Variants in ZBTB16 observed in about 807,000 individuals in gnomAD.
The protein encoded by ZBTB16 is zinc finger and BTB domain containing 16.
Under a neutral mutation model 56.8 loss-of-function variants are expected in ZBTB16, and 8 were observed. The ratio of observed to expected loss-of-function variants is 0.14; its 90% confidence interval spans 0.08 to 0.25. The LOEUF (loss-of-function observed/expected upper bound fraction) is 0.25, where lower values mean the gene tolerates loss of function less well. Among genes scored for constraint, ZBTB16 ranks in the 10% least tolerant of loss-of-function variants. ZBTB16 has a pLI of 1.00. For synonymous variants in ZBTB16, 363 were observed against 368.5 expected (o/e 0.98, Z 0.17); for missense variants, 625 against 903.0 (o/e 0.69, Z 3.95).
rs1938767108 is a variant in ZBTB16, at chr11:114,060,197, T to TGAGAGG, written c.-91+315_-91+316insGAGAGG. The TGAGAGG allele has an allele frequency of 2.4e-5, 4 of 166,768 alleles. No individual in the cohort carries two copies. The highest frequency in any genetic ancestry group is 5.1e-5 in the Non-Finnish European group (4 of 78,238). 10.3% of individuals were successfully genotyped at this position (166,768 alleles called of 1,614,324 possible). On this transcript the variant is annotated intron_variant, in intron 1 of 6. Coordinates refer to ENST00000335953, the MANE Select transcript of ZBTB16 (RefSeq NM_006006.6). The surrounding 1 kb of genome is among the most constrained non-coding windows in gnomAD (Gnocchi z 6.0). ...GGGGCTGAGGGCGTGAGCAGAGGGG[T>TGAGAGG]CGGGGATCCGGAGGCTTTGTACCGC... is the stretch of plus-strand genomic sequence containing the variant.
intron 3 of ZBTB16, among the ~76,000 whole-genome samples, chr11:114,185,692 G>A (rs1943345395): frequency 6.6e-6 from 1 of 152,066 alleles, no homozygotes; most frequent in South Asian, 2.1e-4. Flanking sequence ...TGATTGCAGT[G>A]GAATCACTGC....
intron 2 of ZBTB16, among the ~76,000 whole-genome samples, chr11:114,115,253 A>G (rs897573158): frequency 2.0e-5 from 3 of 151,776 alleles, no homozygotes; most frequent in Admixed American, 1.3e-4. Flanking sequence ...GTCCTCCAGC[A>G]TAGTTTAAAG....
At chr11:114,079,374 T>C (rs1939683268) in intron 2 of ZBTB16, among the ~76,000 whole-genome samples, 1 of 152,164 alleles carries the variant, frequency 6.6e-6, no homozygotes, top group South Asian at 2.1e-4. Context: ...GTGAAATCTT[T>C]TGTTTTGGGC....
intron 5 of ZBTB16, among the ~76,000 whole-genome samples, chr11:114,246,307 C>T (rs1231746329): frequency 2.6e-5 from 4 of 152,280 alleles, no homozygotes; most frequent in Admixed American, 6.5e-5. Context: ...TATATGGTAC[C>T]CTGACTCTAG....
At chr11:114,073,048 TGTCTCAA>T (rs1371437062) in intron 2 of ZBTB16, among the ~76,000 whole-genome samples, 2 of 95,056 alleles carry the variant, frequency 2.1e-5, no homozygotes, top group Non-Finnish European at 4.2e-5. Context: ...GGAGTGAGAC[TGTCTCAA>T]AAAAAAAAAA....
chr11:114,132,725 TGA>T (rs963699286), intron 2 of ZBTB16, among the ~76,000 whole-genome samples: 1 of 152,208 alleles, frequency 6.6e-6, no homozygotes. Context: ...GCATTGTTCA[TGA>T]GAGGGGCCGG....
chr11:114,185,890 A>G (rs1943348902), intron 3 of ZBTB16, among the ~76,000 whole-genome samples: 2 of 152,202 alleles, frequency 1.3e-5, no homozygotes, highest in African/African-American at 4.8e-5. Flanking sequence ...CAGTTCTGAG[A>G]AAGTTTATTA....
chr11:114,137,588 G>A (rs565987190), intron 2 of ZBTB16, among the ~76,000 whole-genome samples: 3 of 152,284 alleles, frequency 2.0e-5, no homozygotes, highest in East Asian at 3.9e-4. Context: ...CTTCCAGCCC[G>A]CTTGTGGAGA....
At position 114,124,000 on chromosome 11, in the gene ZBTB16, A is replaced by G. The variant is rs184131382; in HGVS notation, c.1269-32337A>G. On this transcript the variant is annotated intron_variant, in intron 2 of 6. Transcript: ENST00000335953. ...ATGAACCACTTATTATTTCTGAATT[A>G]GGAATCAAAACATATGAATAATTTC... Among the ~76,000 whole-genome samples, 45 of 152,196 alleles carry G rather than the reference A, an allele frequency of 3.0e-4. 2 individuals are homozygous for G. The highest frequency in any genetic ancestry group is 2.9e-3 in the Admixed American group (44 of 15,280).
chr11:114,248,024 A>G (rs1280806885), intron 6 of ZBTB16, among the ~76,000 whole-genome samples: 1 of 151,900 alleles, frequency 6.6e-6, no homozygotes, highest in East Asian at 1.9e-4. Context: ...CAGCCTCCCA[A>G]TTACCTGGGA....
chr11:114,073,862 A>T (rs1195941412), intron 2 of ZBTB16, among the ~76,000 whole-genome samples: 1 of 152,170 alleles, frequency 6.6e-6, no homozygotes, highest in Non-Finnish European at 1.5e-5. Flanking sequence ...AGACATATAC[A>T]CGCACATAAA....
At chr11:114,164,743 G>A (rs919165821) in intron 3 of ZBTB16, among the ~76,000 whole-genome samples, 15 of 152,112 alleles carry the variant, frequency 9.9e-5, no homozygotes, top group Admixed American at 3.3e-4. Flanking sequence ...TGTATCCAGG[G>A]CTGTGCCTGA....
At chr11:114,111,488 G>A (rs563600507) in intron 2 of ZBTB16, among the ~76,000 whole-genome samples, 17 of 152,114 alleles carry the variant, frequency 1.1e-4, no homozygotes, top group Non-Finnish European at 1.9e-4. Context: ...CTTCCAGTGG[G>A]GAACATTAAC....
chr11:114,121,219 G>C (rs1941333076), intron 2 of ZBTB16, among the ~76,000 whole-genome samples: 1 of 152,154 alleles, frequency 6.6e-6, no homozygotes. Context: ...CGATTTCTGT[G>C]GTGTAGATAC....
chr11:114,108,147 C>A (rs544671089), intron 2 of ZBTB16, among the ~76,000 whole-genome samples: 1 of 152,058 alleles, frequency 6.6e-6, no homozygotes, highest in Admixed American at 6.5e-5. Flanking sequence ...ATTTAAACTT[C>A]TGTGTGTAAG....
chr11:114,088,140 C>CTTT (rs10695166), intron 2 of ZBTB16, among the ~76,000 whole-genome samples: 29,738 of 122,882 alleles, frequency 0.24, 4,684 homozygotes, highest in Non-Finnish European at 0.32. Context: ...CCAGATACTT[C>CTTT]TTTTTTTTTT....
intron 4 of ZBTB16, among the ~76,000 whole-genome samples, chr11:114,239,455 G>T (rs929996132): frequency 1.4e-4 from 21 of 152,168 alleles, no homozygotes; most frequent in Admixed American, 6.5e-5. Flanking sequence ...TCAAGTTGAA[G>T]GAGTGGGGGC....
At chr11:114,193,219 A>G (rs1480202186) in intron 4 of ZBTB16, among the ~76,000 whole-genome samples, 1 of 152,186 alleles carries the variant, frequency 6.6e-6, no homozygotes, top group Non-Finnish European at 1.5e-5. Context: ...CTTGCTCAAT[A>G]GGCCACATGT....
intron 2 of ZBTB16, among the ~76,000 whole-genome samples, chr11:114,134,362 C>CTTTT (rs762476370): frequency 2.0e-5 from 3 of 150,800 alleles, no homozygotes; most frequent in Non-Finnish European, 2.9e-5. Context: ...TTCTTTCTTT[C>CTTTT]TTTTTTCTTT....
Sources: gnomAD v4.1 joint callset for allele counts (sites outside exome capture counted in the v4.1 genomes callset) on GRCh38, gnomAD v4.1.1 for gene constraint, Gnocchi (gnomAD v3.1) non-coding constraint, MANE v1.5 for transcripts, NCBI Gene and HGNC (gene_info 2026-07-23, HGNC 2026-07-21) for gene names.